The following MAP3K13 variants were observed in gnomAD, a reference collection of about 807,000 sequenced individuals.
The protein encoded by MAP3K13 is mitogen-activated protein kinase kinase kinase 13, also known as leucine zipper-bearing kinase.
In MAP3K13, 52 loss-of-function variants were observed where a neutral mutation model predicts 104.0. That is an observed-to-expected ratio of 0.50 (90% CI 0.40 to 0.63). The LOEUF (loss-of-function observed/expected upper bound fraction) is 0.63. MAP3K13 is among the 20% of genes least tolerant of loss of function. The pLI is 0.00. For synonymous variants in MAP3K13, 394 were observed against 442.2 expected, an observed-to-expected ratio of 0.89 and a Z score of 1.37; for missense variants, 914 against 1,218.5, an observed-to-expected ratio of 0.75 and a Z score of 3.72.
At chr3:185,307,546 C>CCCCCCCCCCCCCCCA (rs58408265) in intron 2 of MAP3K13, among the ~76,000 whole-genome samples, 22 of 104,066 alleles carry the variant, frequency 2.1e-4, no homozygotes, top group South Asian at 3.9e-4. Context: ...GCACCACCCC[C>CCCCCCCCCCCCCCCA]TCCCCCGCCA....
intron 1 of MAP3K13, among the ~76,000 whole-genome samples, chr3:185,427,977 G>A (rs1553803213): frequency 6.6e-6 from 1 of 151,878 alleles, no homozygotes; most frequent in Non-Finnish European, 1.5e-5. Context: ...TACTTGGGAG[G>A]CTGAGGCAGG....
At chr3:185,337,433 C>T (rs917905668) in intron 2 of MAP3K13, among the ~76,000 whole-genome samples, 22 of 152,204 alleles carry the variant, frequency 1.4e-4, no homozygotes, top group African/African-American at 5.1e-4. Context: ...ACACGCTTTA[C>T]GGTATTTTAT....
chr3:185,429,754 G>T (rs916917709), intron 2 of MAP3K13, among the ~76,000 whole-genome samples: 1 of 152,210 alleles, frequency 6.6e-6, no homozygotes, highest in Non-Finnish European at 1.5e-5. Context: ...CCTGAAGATT[G>T]TAGGGCTTAG....
Position 185,329,671 on chromosome 3 carries a change from G to A in MAP3K13, c.-86+44028G>A, listed in dbSNP as rs148076750. Reference sequence around the variant, plus strand: ...TTTCATATATGAAATTAGAGTTGCCGTGTTTCAGCTCTTCTGTCTTGAGAT... The same window carrying A: ...TTTCATATATGAAATTAGAGTTGCCATGTTTCAGCTCTTCTGTCTTGAGAT... On this transcript the variant is annotated intron_variant, in intron 2 of 14. Transcript: ENST00000424227. Among the ~76,000 whole-genome samples, 116 of 152,236 alleles carry A rather than the reference G, an allele frequency of 7.6e-4. No homozygotes were observed. In the Middle Eastern group the frequency reaches 0.01, roughly 13 times the overall value.
chr3:185,341,314 G>A (rs970130084), intron 2 of MAP3K13, among the ~76,000 whole-genome samples: 1 of 152,158 alleles, frequency 6.6e-6, no homozygotes, highest in African/African-American at 2.4e-5. Flanking sequence ...GTTGAGACTG[G>A]AGTGAAGAAG....
At chr3:185,393,325 A>G (rs775493361) in intron 1 of MAP3K13, among the ~76,000 whole-genome samples, 4 of 152,256 alleles carry the variant, frequency 2.6e-5, no homozygotes, top group Non-Finnish European at 5.9e-5. Context: ...CAATTAATGT[A>G]TAATTAGGGG....
At chr3:185,390,267 C>G (rs1193422296) in intron 1 of MAP3K13, among the ~76,000 whole-genome samples, 2 of 152,142 alleles carry the variant, frequency 1.3e-5, no homozygotes, top group African/African-American at 4.8e-5. Flanking sequence ...TTAATTCTCA[C>G]AGCAGCTCTG....
chr3:185,297,892 G>C (rs772042547), intron 2 of MAP3K13, among the ~76,000 whole-genome samples: 33 of 151,530 alleles, frequency 2.2e-4, no homozygotes, highest in Non-Finnish European at 4.4e-4. Flanking sequence ...CTCTCTCTCT[G>C]TGTGCATACA....
intron 7 of MAP3K13, among the ~76,000 whole-genome samples, chr3:185,455,737 A>ATATATAT (rs1276369335): frequency 2.2e-4 from 6 of 27,600 alleles, no homozygotes; most frequent in South Asian, 1.1e-3. Context: ...TATATATATG[A>ATATATAT]GATATATATA....
At position 185,418,069 on chromosome 3, in the gene MAP3K13, A is replaced by G; in HGVS notation, c.-85-10428A>G. On this transcript the variant is annotated intron_variant, in intron 1 of 13. Coordinates refer to ENST00000265026, the MANE Select transcript of MAP3K13 (RefSeq NM_004721.5). The surrounding 1 kb of genome is among the most constrained non-coding windows in gnomAD (Gnocchi z 4.5). ...ATGCCCACCAGGAGCAAGCTTCAAA[A>G]TGTTCAGCTTGCTTACATTAAGCAG... 6.2e-6 allele frequency: 10 copies of G among 1,611,876 alleles called. No homozygotes were observed. The South Asian group carries it at 1.1e-4, about 18-fold the overall frequency.
intron 2 of MAP3K13, among the ~76,000 whole-genome samples, chr3:185,335,156 GA>G (rs1418681753): frequency 2.6e-5 from 4 of 152,024 alleles, no homozygotes; most frequent in African/African-American, 9.7e-5. Flanking sequence ...AACTTCTTAG[GA>G]CCTTTAATAT....
intron 7 of MAP3K13, 181 bp downstream of exon 7, chr3:185,451,576 CATTATT>C: frequency 2.0e-6 from 1 of 496,022 alleles, no homozygotes; most frequent in Non-Finnish European, 3.6e-6. Flanking sequence ...AAGCACTTAA[CATTATT>C]ATTAACTCAT....
intron 1 of MAP3K13, among the ~76,000 whole-genome samples, chr3:185,394,132 G>A (rs1171513830): frequency 6.6e-6 from 1 of 152,132 alleles, no homozygotes; most frequent in Non-Finnish European, 1.5e-5. Context: ...ATATAGGGTT[G>A]AGACTAAAAA....
rs148543279 is a variant in MAP3K13, at chr3:185,473,701, C to T, written c.2370C>T (p.Leu790=). Residue 790 remains leucine, a synonymous_variant, in exon 11 of 14, where the codon CTC becomes CTT. Transcript: ENST00000265026. This position sits in a 1 kb window ranked among gnomAD's most constrained non-coding sequence, Gnocchi z 4.9. ...GCGGCTGTAGGTCTGAGTCATCCCT[C>T]GGCACCTCTCATCTCGGCACCCCTC... ...EFSGCRSESS[L]GTSHLGTPPA... is the part of the protein sequence containing the mutation. 1.5e-4 allele frequency: 245 copies of T among 1,614,092 alleles called. No individual in the cohort carries two copies. The African/African-American group carries it at 2.7e-3, about 18-fold the overall frequency.
intron 2 of MAP3K13, among the ~76,000 whole-genome samples, chr3:185,322,347 C>A (rs1721899928): frequency 1.3e-5 from 2 of 152,226 alleles, no homozygotes; most frequent in Non-Finnish European, 2.9e-5. Flanking sequence ...TGGTCTCTGT[C>A]TCTTTTTGTG....
chr3:185,360,037 T>C (rs907653660), upstream of MAP3K13, among the ~76,000 whole-genome samples: 1 of 152,174 alleles, frequency 6.6e-6, no homozygotes, highest in Non-Finnish European at 1.5e-5. Context: ...ATAATGAGTT[T>C]TAAATATCTT....
At position 185,487,314 on chromosome 3, in the gene MAP3K13, GCCA is replaced by G. The variant is rs1718763813; in HGVS notation, c.*4862_*4864del. The G allele has an allele frequency of 6.6e-6, 1 of 152,038 alleles. No homozygotes were observed. Among genetic ancestry groups the G allele is most frequent in the Non-Finnish European group, 1.5e-5 (1 of 68,424 alleles). 9.4% of individuals were successfully genotyped at this position (152,038 alleles called of 1,614,324 possible). ...TGAGTAGCTGGGACCACAGGTGTGT[GCCA>G]CCATGCACAACAATTTTTTTTTTTT... On this transcript the variant is annotated 3_prime_UTR_variant, in exon 14 of 14. Transcript: ENST00000265026.
Position 185,317,161 on chromosome 3 carries a change from G to C in MAP3K13, c.-86+31518G>C, listed in dbSNP as rs894378497. Among the ~76,000 whole-genome samples, 15 of 152,214 alleles carry C rather than the reference G, an allele frequency of 9.9e-5. No homozygotes were observed. The South Asian group carries it at 2.7e-3, about 27-fold the overall frequency. On this transcript the variant is annotated intron_variant, in intron 2 of 14. Transcript: ENST00000424227. The stretch of plus-strand genomic sequence containing the variant: ...ACTCAGATTATGAAATCTGAGTTAC[G>C]TTTTTTCAGCCCTGAAAACAGCTTT...
At chr3:185,382,117 C>A (rs1308693199) in intron 1 of MAP3K13, among the ~76,000 whole-genome samples, 1 of 152,150 alleles carries the variant, frequency 6.6e-6, no homozygotes, top group Non-Finnish European at 1.5e-5. Context: ...CCTGAAACTG[C>A]AGATAGTATC....
Sources: allele counts gnomAD v4.1 joint callset (sites outside exome capture counted in the v4.1 genomes callset), GRCh38; gene constraint gnomAD v4.1.1; non-coding constraint Gnocchi (gnomAD v3.1); transcripts MANE v1.5; gene names NCBI Gene and HGNC (gene_info 2026-07-23, HGNC 2026-07-21).